HHIP: variants seen among roughly 807,000 people sequenced by gnomAD.
HHIP encodes hedgehog interacting protein.
In HHIP, 12 loss-of-function variants were observed where a neutral mutation model predicts 74.0. The observed-to-expected ratio is 0.16, with a 90% CI of 0.10 to 0.26. HHIP has a LOEUF of 0.26. HHIP is among the 10% of genes least tolerant of loss of function. The pLI is 1.00. For synonymous variants in HHIP, 309 were observed against 311.6 expected (o/e 0.99, Z 0.09); for missense variants, 788 against 845.0 (o/e 0.93, Z 0.84).
At chr4:144,667,940 G>C (rs1354365839) in intron 4 of HHIP, among the ~76,000 whole-genome samples, 1 of 152,028 alleles carries the variant, frequency 6.6e-6, no homozygotes, top group Non-Finnish European at 1.5e-5. Flanking sequence ...GGGGCAATTG[G>C]GTAAAGCTGC....
chr4:144,705,825 TC>T (rs1460995844), intron 4 of HHIP, among the ~76,000 whole-genome samples: 1 of 152,174 alleles, frequency 6.6e-6, no homozygotes, highest in Non-Finnish European at 1.5e-5. Flanking sequence ...GTGTCCCCTT[TC>T]CCCTCTAGCA....
chr4:144,706,000 A>G (rs1361879361), intron 4 of HHIP, among the ~76,000 whole-genome samples: 2 of 152,212 alleles, frequency 1.3e-5, no homozygotes, highest in Non-Finnish European at 2.9e-5. Flanking sequence ...ACAGACCACC[A>G]TCGTTGTGAC....
chr4:144,683,278 A>AGTCC (rs1729395756), intron 4 of HHIP, among the ~76,000 whole-genome samples: 1 of 152,234 alleles, frequency 6.6e-6, no homozygotes, highest in Non-Finnish European at 1.5e-5. Flanking sequence ...ACTTGAGATA[A>AGTCC]ACACAGAGCT....
intron 1 of HHIP, among the ~76,000 whole-genome samples, chr4:144,649,883 T>C (rs145594142): frequency 3.3e-5 from 5 of 152,290 alleles, no homozygotes; most frequent in South Asian, 2.1e-4. Flanking sequence ...CAATGATCTA[T>C]TTACATATTA....
At chr4:144,700,740 T>TA (rs1729954165) in intron 4 of HHIP, among the ~76,000 whole-genome samples, 1 of 152,220 alleles carries the variant, frequency 6.6e-6, no homozygotes, top group Non-Finnish European at 1.5e-5. Context: ...GAAAGAAACT[T>TA]AGCTCTGCCA....
At position 144,670,187 on chromosome 4, in the gene HHIP, G is replaced by A. The variant is rs1247317042; in HGVS notation, c.831+10349G>A. Among the ~76,000 whole-genome samples the A allele has an allele frequency of 1.3e-4, 20 of 150,150 alleles. No homozygotes were observed. The East Asian group carries it at 3.9e-3, about 29-fold the overall frequency. On this transcript the variant is annotated intron_variant, in intron 4 of 12. Transcript: ENST00000296575. The stretch of plus-strand genomic sequence containing the variant: ...GGTCCCCCGCAGTAATTGGTCCCCC[G>A]CAGTCGCTCACGCCTGTAATCCCAG...
chr4:144,724,540 C>CA (rs1235553821), intron 11 of HHIP, among the ~76,000 whole-genome samples: 2 of 151,128 alleles, frequency 1.3e-5, no homozygotes, highest in Non-Finnish European at 2.9e-5. Context: ...CAGTGTACAA[C>CA]ATGATGTTTT....
chr4:144,651,236 T>C (rs973686778), intron 1 of HHIP, among the ~76,000 whole-genome samples: 2 of 152,014 alleles, frequency 1.3e-5, no homozygotes, highest in African/African-American at 4.8e-5. Flanking sequence ...GTTATTTAAA[T>C]AAATTGATAA....
chr4:144,697,482 T>A (rs1468010169), intron 4 of HHIP, among the ~76,000 whole-genome samples: 4 of 152,086 alleles, frequency 2.6e-5, no homozygotes, highest in African/African-American at 9.7e-5. Flanking sequence ...GTCCCTTGTG[T>A]TTAAGTCATT....
chr4:144,742,593 C>A lies in HHIP; in HGVS notation c.*4636C>A, dbSNP rs1360888842. The stretch of plus-strand genomic sequence containing the variant: ...GACTTTATAAATCTTAATTTCCTCA[C>A]CCCTGGGATGAGATTTGAAGTTGCA... On this transcript the variant is annotated 3_prime_UTR_variant, in exon 13 of 13. Coordinates refer to ENST00000296575, the MANE Select transcript of HHIP (RefSeq NM_022475.3). 2 of 151,640 alleles carry A rather than the reference C, an allele frequency of 1.3e-5. No homozygotes were observed. The highest frequency in any genetic ancestry group is 2.4e-5 in the African/African-American group (1 of 41,306). The allele number at this position is 151,640 out of a possible 1,614,324, so 9.4% of individuals were successfully genotyped here.
chr4:144,710,271 C>G (rs373359512), intron 7 of HHIP, among the ~76,000 whole-genome samples: 5 of 152,166 alleles, frequency 3.3e-5, no homozygotes, highest in African/African-American at 1.2e-4. Flanking sequence ...AATGTTCTCT[C>G]CACTATGGAT....
At chr4:144,679,669 G>A (rs1729280116) in intron 4 of HHIP, among the ~76,000 whole-genome samples, 1 of 152,132 alleles carries the variant, frequency 6.6e-6, no homozygotes, top group African/African-American at 2.4e-5. Flanking sequence ...GTTTGTCAAA[G>A]ATCAGATAAT....
At chr4:144,674,349 T>TG in intron 4 of HHIP, among the ~76,000 whole-genome samples, 1 of 152,330 alleles carries the variant, frequency 6.6e-6, no homozygotes, top group South Asian at 2.1e-4. Context: ...AAACTCAATA[T>TG]CTTATGTCAA....
intron 4 of HHIP, among the ~76,000 whole-genome samples, chr4:144,691,102 A>G (rs1038738816): frequency 1.3e-5 from 2 of 152,152 alleles, no homozygotes; most frequent in Non-Finnish European, 2.9e-5. Flanking sequence ...AGGGGCTCCC[A>G]GACAATCTTA....
intron 12 of HHIP, among the ~76,000 whole-genome samples, chr4:144,735,742 CTA>C (rs1731098232): frequency 6.6e-6 from 1 of 152,108 alleles, no homozygotes; most frequent in Non-Finnish European, 1.5e-5. Flanking sequence ...TTCATAAATG[CTA>C]TCTTTTTGTT....
In HHIP at chr4:144,659,685, G is replaced by C; in HGVS notation, c.678G>C (p.Leu226=). 1 of 1,568,260 alleles carries C rather than the reference G, an allele frequency of 6.4e-7. No individual in the cohort carries two copies. Among genetic ancestry groups the C allele is most frequent in the South Asian group, 1.2e-5 (1 of 82,720 alleles). The change falls in exon 4 of 13, where the codon CTG becomes CTC. Residue 226 remains leucine (L), a synonymous_variant. Coordinates refer to ENST00000296575, the MANE Select transcript of HHIP (RefSeq NM_022475.3). ...GTATTCAGGAGGTTGTGAGTGGGCT[G>C]CGGCAGCCCGTTGGTGCCCTGCATA... ...CFCIQEVVSG[L]RQPVGALHSG...
Position 144,662,872 on chromosome 4 carries a change from T to C in HHIP, c.831+3034T>C, listed in dbSNP as rs1486808762. Among the ~76,000 whole-genome samples the C allele has an allele frequency of 2.0e-5, 3 of 152,212 alleles. No homozygotes were observed. In the East Asian group the frequency reaches 5.8e-4, roughly 29 times the overall value. ...TATATCTGAGCTCTGAAATCAGAGC[T>C]TCTGGCAAGTGCTAGAACCAGCTTT... On this transcript the variant is annotated intron_variant, in intron 4 of 12. Coordinates refer to ENST00000296575, the MANE Select transcript of HHIP (RefSeq NM_022475.3).
rs1394444293 is a variant in HHIP at position 144,661,764 on chromosome 4, T to C, written c.831+1926T>C. Reference sequence around the variant, plus strand: ...ACAGCTATTTCTGGCTTCTTTAATATATGAAAGTTATCATATATTTATGAC... The same window carrying C: ...ACAGCTATTTCTGGCTTCTTTAATACATGAAAGTTATCATATATTTATGAC... On this transcript the variant is annotated intron_variant, in intron 4 of 12. Coordinates refer to ENST00000296575, the MANE Select transcript of HHIP (RefSeq NM_022475.3). Among the ~76,000 whole-genome samples the C allele has an allele frequency of 3.9e-5, 6 of 152,352 alleles. No homozygotes were observed. In the East Asian group the frequency reaches 5.8e-4, roughly 15 times the overall value.
chr4:144,731,573 C>T (rs183178627), intron 11 of HHIP, among the ~76,000 whole-genome samples: 7 of 152,052 alleles, frequency 4.6e-5, no homozygotes, highest in Admixed American at 6.6e-5. Flanking sequence ...ACACCCAGGA[C>T]GACACCCAGC....
Sources: allele counts gnomAD v4.1 joint callset (sites outside exome capture counted in the v4.1 genomes callset), GRCh38; gene constraint gnomAD v4.1.1; transcripts MANE v1.5; gene names NCBI Gene and HGNC (gene_info 2026-07-23, HGNC 2026-07-21).